Variants in AGO3 observed in about 807,000 individuals in gnomAD.
AGO3 encodes the protein argonaute RISC catalytic component 3.
AGO3 carries 16 observed loss-of-function variants against 105.5 expected under a neutral mutation model. The ratio of observed to expected loss-of-function variants is 0.15; its 90% CI spans 0.10 to 0.23. The LOEUF (loss-of-function observed/expected upper bound fraction) is 0.23. AGO3 is among the 10% of genes least tolerant of loss of function. AGO3 has a pLI of 1.00. For missense variants in AGO3, 534 were observed against 1,088.0 expected (o/e 0.49, Z 7.16); for synonymous variants, 340 against 367.3 (o/e 0.93, Z 0.85).
chr1:35,978,511 T>A (rs1018085780), intron 5 of AGO3, among the ~76,000 whole-genome samples: 6 of 151,988 alleles, frequency 3.9e-5, no homozygotes, highest in Admixed American at 1.3e-4. Context: ...TTTTTTTTTT[T>A]ATTAACGTTA....
In AGO3 at chr1:36,027,003, G is replaced by A. The variant is rs1214832278; in HGVS notation, c.1407-111G>A. 3.2e-6 allele frequency: 4 copies of A among 1,252,368 alleles called. No homozygotes were observed. The highest frequency in any genetic ancestry group is 4.7e-5 in the East Asian group (2 of 42,850). The allele number at this position is 1,252,368 out of a possible 1,614,324, so 77.6% of individuals were successfully genotyped here. On this transcript the variant is annotated intron_variant, in intron 11 of 18. Transcript: ENST00000373191. This position sits in a 1 kb window ranked among gnomAD's most constrained non-coding sequence, Gnocchi z 4.0. Reference sequence around the variant, plus strand: ...AGTCTGGTGACCTCTCATATATGAAGCACACAAATCTTTGCTTCATCCTTC... The same window carrying A: ...AGTCTGGTGACCTCTCATATATGAAACACACAAATCTTTGCTTCATCCTTC...
chr1:35,942,865 T>G (rs1359775239), intron 1 of AGO3, among the ~76,000 whole-genome samples: 3 of 152,228 alleles, frequency 2.0e-5, no homozygotes, highest in South Asian at 2.1e-4. Flanking sequence ...CTATATCCAT[T>G]TAACAAATCT....
At chr1:36,005,431 C>T (rs1190206702) in intron 6 of AGO3, among the ~76,000 whole-genome samples, 1 of 152,118 alleles carries the variant, frequency 6.6e-6, no homozygotes, top group East Asian at 1.9e-4. Context: ...GAAGATCCAC[C>T]CTGCTTTGAA....
Position 36,032,015 on chromosome 1 carries a change from A to G in AGO3, c.1592-2159A>G, listed in dbSNP as rs374242505. The stretch of plus-strand genomic sequence containing the variant: ...TCATGAGTAATGCTGCTATGAACAT[A>G]GGTGTACAAATATCTCTTCACAACC... On this transcript the variant is annotated intron_variant, in intron 12 of 18. Coordinates refer to ENST00000373191, the MANE Select transcript of AGO3 (RefSeq NM_024852.4). Among the ~76,000 whole-genome samples, 17 of 152,224 alleles carry G rather than the reference A, an allele frequency of 1.1e-4. No individual in the cohort carries two copies. The East Asian group carries it at 1.5e-3, about 14-fold the overall frequency.
At position 36,039,819 on chromosome 1, in the gene AGO3, C is replaced by T; in HGVS notation, c.1872C>T (p.Ser624=). ...AVVGSMDAHP[S]RYCATVRVQR... ...TAGGTAGTATGGATGCACACCCAAG[C>T]AGATACTGTGCCACAGTAAGAGTTC... Residue 624 remains serine, a synonymous_variant, in exon 15 of 19, where the codon AGC becomes AGT. Transcript: ENST00000373191. The T allele has an allele frequency of 6.2e-7, 1 of 1,610,166 alleles. No individual in the cohort carries two copies. The highest frequency in any genetic ancestry group is 8.5e-7 in the Non-Finnish European group (1 of 1,178,176).
intron 17 of AGO3, among the ~76,000 whole-genome samples, chr1:36,048,153 G>GA (rs548337816): frequency 1.5e-4 from 22 of 149,736 alleles, no homozygotes; most frequent in Middle Eastern, 6.9e-3. Context: ...TCAAAGGGCT[G>GA]AAAAAAAAAA....
At chr1:36,047,943 C>A (rs1224561336) in intron 17 of AGO3, among the ~76,000 whole-genome samples, 1 of 151,894 alleles carries the variant, frequency 6.6e-6, no homozygotes, top group Non-Finnish European at 1.5e-5. Context: ...ACATCTAGAT[C>A]TAGGAGGCTC....
intron 11 of AGO3, among the ~76,000 whole-genome samples, chr1:36,023,373 A>G (rs866465097): frequency 5.3e-5 from 8 of 152,348 alleles, no homozygotes; most frequent in Non-Finnish European, 4.4e-5. Flanking sequence ...ACCATCTGTT[A>G]AAAGAAAAAC....
rs1643146914 is a variant in AGO3, at chr1:36,070,440, GCTT to G, written c.*14696_*14698del. ...GTGGCAGGTCCTTACATTTCAACAG[GCTT>G]ATGCATTTCCATGGGGGGAAGAGAT... is the stretch of plus-strand genomic sequence containing the variant. On this transcript the variant is annotated 3_prime_UTR_variant, in exon 19 of 19. Transcript: ENST00000373191. 6.6e-6 allele frequency: 1 copy of G among 152,170 alleles called. No homozygotes were observed. The highest frequency in any genetic ancestry group is 2.4e-5 in the African/African-American group (1 of 41,434). The allele number at this position is 152,170 out of a possible 1,614,324, so 9.4% of individuals were successfully genotyped here.
At chr1:35,960,980 G>A (rs1646664554) in intron 2 of AGO3, among the ~76,000 whole-genome samples, 1 of 145,580 alleles carries the variant, frequency 6.9e-6, no homozygotes, top group South Asian at 2.1e-4. Flanking sequence ...GTCTCGCTCT[G>A]ATGCCCAGGG....
At chr1:35,978,634 T>TA (rs1050193815) in intron 5 of AGO3, among the ~76,000 whole-genome samples, 3 of 152,212 alleles carry the variant, frequency 2.0e-5, no homozygotes, top group Non-Finnish European at 4.4e-5. Context: ...ACAACAGTCT[T>TA]ACTATTCTTT....
At chr1:36,034,521 T>C (rs1641919855) in intron 13 of AGO3, among the ~76,000 whole-genome samples, 188 bp downstream of exon 13, 1 of 152,110 alleles carries the variant, frequency 6.6e-6, no homozygotes, top group South Asian at 2.1e-4. Context: ...CTTGTGAAAA[T>C]GCCCCCCACA....
chr1:35,971,821 G>T (rs1431539421), intron 3 of AGO3, among the ~76,000 whole-genome samples: 1 of 151,846 alleles, frequency 6.6e-6, no homozygotes, highest in South Asian at 2.1e-4. Context: ...ATTTAGGGTA[G>T]TTTCCAGTAT....
At position 36,062,430 on chromosome 1, in the gene AGO3, G is replaced by GA. The variant is rs1643038212; in HGVS notation, c.*6688dup. The stretch of plus-strand genomic sequence containing the variant: ...CAAAATGATAATCTCTATTGTTAGA[G>GA]AAATTTTCTTTTCTAGACACCAAGG... On this transcript the variant is annotated 3_prime_UTR_variant, in exon 19 of 19. Coordinates refer to ENST00000373191, the MANE Select transcript of AGO3 (RefSeq NM_024852.4). 1 of 152,092 alleles carries GA rather than the reference G, an allele frequency of 6.6e-6. No individual in the cohort carries two copies. The highest frequency in any genetic ancestry group is 2.1e-4 in the South Asian group (1 of 4,838). The allele number at this position is 152,092 out of a possible 1,614,324, so 9.4% of individuals were successfully genotyped here. A position where few individuals can be genotyped will look rare whatever the true frequency, so the allele number is the denominator to read the frequency against.
chr1:36,023,437 A>G (rs1227527484), intron 11 of AGO3, among the ~76,000 whole-genome samples: 1 of 152,254 alleles, frequency 6.6e-6, no homozygotes, highest in Non-Finnish European at 1.5e-5. Context: ...TTCACAAATC[A>G]GGCAGCCCTT....
At chr1:35,940,743 A>G (rs912733126) in intron 1 of AGO3, among the ~76,000 whole-genome samples, 3 of 152,116 alleles carry the variant, frequency 2.0e-5, no homozygotes, top group Admixed American at 6.5e-5. Flanking sequence ...TTTCATCCAC[A>G]TCTAATGACA....
At position 36,016,207 on chromosome 1, in the gene AGO3, A is replaced by C. The variant is rs563317538; in HGVS notation, c.1406+2159A>C. 3.3e-4 allele frequency among the ~76,000 whole-genome samples: 50 copies of C among 152,248 alleles called. 1 individual carries two copies. The highest frequency in any genetic ancestry group is 6.0e-4 in the Non-Finnish European group (41 of 68,014). ...GTTTTTTGTTTTTGTTTTGAGACAG[A>C]GTCTTGCTCTGTCACCCAGGCTGGA... On this transcript the variant is annotated intron_variant, in intron 11 of 18. Coordinates refer to ENST00000373191, the MANE Select transcript of AGO3 (RefSeq NM_024852.4).
chr1:36,052,586 C>T (rs1341050643), intron 17 of AGO3, among the ~76,000 whole-genome samples: 1 of 152,020 alleles, frequency 6.6e-6, no homozygotes, highest in Non-Finnish European at 1.5e-5. Context: ...GCATAGATAT[C>T]CTAATTACCC....
At chr1:36,017,336 CCT>C (rs1219133065) in intron 11 of AGO3, among the ~76,000 whole-genome samples, 1 of 152,202 alleles carries the variant, frequency 6.6e-6, no homozygotes, top group African/African-American at 2.4e-5. Flanking sequence ...AACCAAGCAC[CCT>C]GTTTGTTAAT....
Sources: gnomAD v4.1 joint callset for allele counts (sites outside exome capture counted in the v4.1 genomes callset) on GRCh38, gnomAD v4.1.1 for gene constraint, Gnocchi (gnomAD v3.1) non-coding constraint, MANE v1.5 for transcripts, NCBI Gene and HGNC (gene_info 2026-07-23, HGNC 2026-07-21) for gene names.